Variants in WASF2 observed in about 807,000 individuals in gnomAD.
The protein encoded by WASF2 is WASP family member 2, also known as actin-binding protein WASF2.
WASF2 carries 14 observed loss-of-function variants against 45.0 expected under a neutral mutation model. The observed-to-expected ratio is 0.31, with a 90% confidence interval of 0.21 to 0.49. WASF2 has a LOEUF of 0.49. Among genes scored for constraint, WASF2 ranks in the 20% least tolerant of loss-of-function variants. The pLI, the probability that WASF2 is intolerant of heterozygous loss-of-function variation, is 0.99. For missense variants in WASF2, 439 were observed against 636.1 expected (o/e 0.69, Z 3.33); for synonymous variants, 200 against 236.3 (o/e 0.85, Z 1.41).
In WASF2 at chr1:27,405,587, G is replaced by A. The variant is rs2016658426; in HGVS notation, c.*2602C>T. On this transcript the variant is annotated 3_prime_UTR_variant, in exon 9 of 9. Coordinates refer to ENST00000618852, the MANE Select transcript of WASF2 (RefSeq NM_006990.5). Reference sequence around the variant, plus strand: ...CCTTTATCATCTTAAAGGGCTCTGGGTCTAAAGAAGCCTTTTTTTTTTTTT... The same window carrying A: ...CCTTTATCATCTTAAAGGGCTCTGGATCTAAAGAAGCCTTTTTTTTTTTTT... 7.1e-6 allele frequency: 1 copy of A among 140,952 alleles called. No individual in the cohort carries two copies. Among genetic ancestry groups the A allele is most frequent in the Non-Finnish European group, 1.5e-5 (1 of 66,130 alleles). 8.7% of individuals were successfully genotyped at this position (140,952 alleles called of 1,614,324 possible).
rs1240422795 is a variant in WASF2 at position 27,404,919 on chromosome 1, C to G, written c.*3270G>C. The G allele has an allele frequency of 6.6e-6, 1 of 152,530 alleles. No homozygotes were observed. The highest frequency in any genetic ancestry group is 2.4e-5 in the African/African-American group (1 of 41,450). The allele number at this position is 152,530 out of a possible 1,614,324, so 9.4% of individuals were successfully genotyped here. ...CTCAAAGCCTGATGCCTCCAGGAAG[C>G]CTGACATCTCTCATGAGCAAAGCCC... On this transcript the variant is annotated 3_prime_UTR_variant, in exon 9 of 9. Transcript: ENST00000618852.
rs776758419 is a variant in WASF2 at position 27,409,739 on chromosome 1, G to C, written c.1292C>G (p.Pro431Arg). 1 of 1,521,132 alleles carries C rather than the reference G, an allele frequency of 6.6e-7. No homozygotes were observed. Among genetic ancestry groups the C allele is most frequent in the Non-Finnish European group, 8.8e-7 (1 of 1,136,930 alleles). 94.2% of individuals were successfully genotyped at this position (1,521,132 alleles called of 1,614,324 possible). ...GTCGCTACGGGCATCGCTCACGGCA[G>C]GCAAGGAGGACTTGGGCTTGGTGGT... The part of the protein sequence containing the change: ...SDTTKPKSSL[P>R]AVSDARSDLL... The change falls in exon 8 of 9, where the codon CCT (proline) becomes CGT (arginine). Residue 431 changes from proline to arginine, a missense_variant. Physicochemically the swap from Pro to Arg is moderately radical, Grantham distance 103. Transcript: ENST00000618852.
At chr1:27,431,583 C>A (rs1160776434) in intron 1 of WASF2, among the ~76,000 whole-genome samples, 1 of 152,182 alleles carries the variant, frequency 6.6e-6, no homozygotes, top group Admixed American at 6.5e-5. Flanking sequence ...TCCAGCTTCT[C>A]AGAGGAGCTA....
intron 2 of WASF2, among the ~76,000 whole-genome samples, chr1:27,420,514 CTTTTTTTTTT>C (rs782294669): frequency 1.2e-5 from 1 of 82,490 alleles, no homozygotes; most frequent in Non-Finnish European, 2.0e-5. Flanking sequence ...ACCATCTGAG[CTTTTTTTTTT>C]TTTTTTTTTT....
At chr1:27,433,247 C>T (rs922121884) in intron 1 of WASF2, among the ~76,000 whole-genome samples, 18 of 152,164 alleles carry the variant, frequency 1.2e-4, no homozygotes, top group Non-Finnish European at 4.4e-5. Flanking sequence ...TCTCTTTCTT[C>T]CAGTCTTTCA....
At position 27,418,364 on chromosome 1, in the gene WASF2, C is replaced by T; in HGVS notation, c.324G>A (p.Gln108=). The change falls in exon 4 of 9, where the codon CAG becomes CAA. Residue 108 remains glutamine (Q), a synonymous_variant. Transcript: ENST00000618852. ...GGAGAGAGTTTCTGTCAAAAAGCTT[C>T]TGGTCTTGAATGGTGGAACTTCTGA... ...KAFRSSTIQD[Q]KLFDRNSLPV... The T allele has an allele frequency of 6.2e-7, 1 of 1,614,228 alleles. No individual in the cohort carries two copies. Among genetic ancestry groups the T allele is most frequent in the Non-Finnish European group, 8.5e-7 (1 of 1,180,042 alleles).
At chr1:27,465,735 C>T (rs972571734) in intron 1 of WASF2, among the ~76,000 whole-genome samples, 2 of 152,232 alleles carry the variant, frequency 1.3e-5, no homozygotes, top group Non-Finnish European at 2.9e-5. Flanking sequence ...AATCACTCAA[C>T]TTCTCTTGCC....
intron 4 of WASF2, among the ~76,000 whole-genome samples, chr1:27,416,769 T>C (rs2016832997): frequency 6.6e-6 from 1 of 152,210 alleles, no homozygotes; most frequent in African/African-American, 2.4e-5. Flanking sequence ...CACCAGCTTC[T>C]AATTAATGGC....
At chr1:27,464,484 AC>A (rs1444233659) in intron 1 of WASF2, among the ~76,000 whole-genome samples, 1 of 152,180 alleles carries the variant, frequency 6.6e-6, no homozygotes, top group Non-Finnish European at 1.5e-5. Flanking sequence ...TTAAAAAAAA[AC>A]ATATATTACT....
intron 1 of WASF2, among the ~76,000 whole-genome samples, chr1:27,479,218 G>A (rs1026599932): frequency 9.2e-5 from 14 of 151,870 alleles, no homozygotes; most frequent in African/African-American, 3.1e-4. Context: ...CCCGGGAGGC[G>A]GAGGTTGCAG....
chr1:27,489,138 G>A (rs758029910), intron 1 of WASF2, among the ~76,000 whole-genome samples: 10 of 151,740 alleles, frequency 6.6e-5, no homozygotes, highest in Non-Finnish European at 1.0e-4. Context: ...GATTCCTGGA[G>A]AACCAAGAGG....
chr1:27,488,887 C>T (rs1461861257), intron 1 of WASF2, among the ~76,000 whole-genome samples: 2 of 152,162 alleles, frequency 1.3e-5, no homozygotes, highest in Non-Finnish European at 2.9e-5. Context: ...TACTTAACTC[C>T]TCTGAAACTC....
chr1:27,470,175 C>T (rs763293466), intron 1 of WASF2, among the ~76,000 whole-genome samples: 13 of 152,150 alleles, frequency 8.5e-5, no homozygotes, highest in Non-Finnish European at 1.8e-4. Flanking sequence ...CATTATTGCG[C>T]CTGTAGTGGG....
chr1:27,434,717 A>T (rs2017108753), intron 1 of WASF2, among the ~76,000 whole-genome samples: 1 of 152,230 alleles, frequency 6.6e-6, no homozygotes, highest in South Asian at 2.1e-4. Context: ...TCCAGGCCAG[A>T]TTCAGCAGTA....
chr1:27,462,841 ATT>A (rs911401113), intron 1 of WASF2, among the ~76,000 whole-genome samples: 6 of 148,960 alleles, frequency 4.0e-5, no homozygotes, highest in Non-Finnish European at 9.0e-5. Flanking sequence ...TATTATTTTA[ATT>A]TTTTTTTTTA....
chr1:27,435,666 T>C (rs1212915648), intron 1 of WASF2, among the ~76,000 whole-genome samples: 1 of 131,192 alleles, frequency 7.6e-6, no homozygotes, highest in Non-Finnish European at 1.6e-5. Context: ...AGCTGGGGGT[T>C]GGAGGGTAGA....
chr1:27,423,370 G>C (rs982156639), intron 2 of WASF2, among the ~76,000 whole-genome samples: 2 of 152,040 alleles, frequency 1.3e-5, no homozygotes, highest in African/African-American at 2.4e-5. Context: ...ATTTTTAACA[G>C]AGAAGGGGTT....
At chr1:27,425,289 T>C (rs1162537950) in intron 2 of WASF2, among the ~76,000 whole-genome samples, 1 of 152,208 alleles carries the variant, frequency 6.6e-6, no homozygotes. Flanking sequence ...GGTCTCAGTA[T>C]ATTGCCAGGA....
At chr1:27,424,344 C>T (rs965296203) in intron 2 of WASF2, among the ~76,000 whole-genome samples, 1 of 152,176 alleles carries the variant, frequency 6.6e-6, no homozygotes, top group Non-Finnish European at 1.5e-5. Context: ...CCTACCTGTG[C>T]CCCCACTACC....
Sources: gnomAD v4.1 joint callset for allele counts (sites outside exome capture counted in the v4.1 genomes callset) on GRCh38, gnomAD v4.1.1 for gene constraint, MANE v1.5 for transcripts, NCBI Gene and HGNC (gene_info 2026-07-23, HGNC 2026-07-21) for gene names.